TAB2: variants seen among roughly 807,000 people sequenced by gnomAD.
TAB2 encodes the protein TGF-beta activated kinase 1 (MAP3K7) binding protein 2.
TAB2 carries 3 observed loss-of-function variants against 65.0 expected under a neutral mutation model. The observed-to-expected ratio is 0.05, with a 90% CI of 0.02 to 0.12. The LOEUF is 0.12. Among genes scored for constraint, TAB2 ranks in the 10% least tolerant of loss-of-function variants. The pLI is 1.00. For missense variants in TAB2, 623 were observed against 840.3 expected (o/e 0.74, Z 3.20); for synonymous variants, 298 against 285.1 (o/e 1.05, Z -0.46).
At chr6:149,345,025 C>T (rs138619116) in intron 1 of TAB2, among the ~76,000 whole-genome samples, 66 of 152,222 alleles carry the variant, frequency 4.3e-4, no homozygotes, top group African/African-American at 1.5e-3. Context: ...TATTGGGAGA[C>T]TCTTATATTT....
At chr6:149,361,595 G>C (rs1006641320) in intron 1 of TAB2, among the ~76,000 whole-genome samples, 2 of 152,100 alleles carry the variant, frequency 1.3e-5, no homozygotes, top group Non-Finnish European at 2.9e-5. Context: ...TTGGCTGTTC[G>C]CACTTGGCTC....
chr6:149,290,978 T>A (rs569297516), intron 1 of TAB2, among the ~76,000 whole-genome samples: 38 of 152,352 alleles, frequency 2.5e-4, no homozygotes, highest in South Asian at 2.1e-3. Flanking sequence ...TAAACCCTAT[T>A]TTCATAGCTA....
intron 1 of TAB2, among the ~76,000 whole-genome samples, chr6:149,274,144 G>A (rs1412960062): frequency 6.6e-6 from 1 of 152,166 alleles, no homozygotes; most frequent in Admixed American, 6.5e-5. Context: ...TTGCCCCAGG[G>A]CCCAGAACCA....
rs71010866 is a variant in TAB2 at position 149,403,339 on chromosome 6, T to TACAC, written c.1939+4187_1939+4190dup. Among the ~76,000 whole-genome samples, 26 of 105,786 alleles carry TACAC rather than the reference T, an allele frequency of 2.5e-4. 1 individual carries two copies. Among genetic ancestry groups the TACAC allele is most frequent in the South Asian group, 1.5e-3 (5 of 3,364 alleles). The allele number at this position is 105,786 out of a possible 152,430, so 69.4% of individuals were successfully genotyped here. A position where few individuals can be genotyped will look rare whatever the true frequency, so the allele number is the denominator to read the frequency against. On this transcript the variant is annotated intron_variant, in intron 6 of 6. Coordinates refer to ENST00000637181, the MANE Select transcript of TAB2 (RefSeq NM_001292034.3). ...ACACACACATATATATACATATATA[T>TACAC]ACACACACACACACACACACACACA...
At chr6:149,382,346 C>T (rs1781639662) in intron 3 of TAB2, among the ~76,000 whole-genome samples, 1 of 152,158 alleles carries the variant, frequency 6.6e-6, no homozygotes, top group African/African-American at 2.4e-5. Context: ...GCCTGTAGTC[C>T]CAGCACTTTG....
chr6:149,343,034 T>C (rs1780178102), intron 1 of TAB2, among the ~76,000 whole-genome samples: 1 of 152,162 alleles, frequency 6.6e-6, no homozygotes. Flanking sequence ...ACTTGTTTGC[T>C]AGTAGTAGCA....
At chr6:149,292,652 T>C (rs924268131) in intron 1 of TAB2, among the ~76,000 whole-genome samples, 3 of 152,134 alleles carry the variant, frequency 2.0e-5, no homozygotes, top group Non-Finnish European at 2.9e-5. Flanking sequence ...AAATGACATA[T>C]AGAATGTCAT....
At chr6:149,295,349 GT>G (rs1240727204) in intron 1 of TAB2, among the ~76,000 whole-genome samples, 9 of 152,068 alleles carry the variant, frequency 5.9e-5, no homozygotes, top group African/African-American at 2.2e-4. Flanking sequence ...TTGGTTTTTC[GT>G]TTTGTTTTGT....
chr6:149,404,310 G>A (rs1340739639), intron 6 of TAB2, among the ~76,000 whole-genome samples: 1 of 152,014 alleles, frequency 6.6e-6, no homozygotes, highest in Non-Finnish European at 1.5e-5. Context: ...AAATAGAAAC[G>A]TAGCCTGTGT....
intron 1 of TAB2, among the ~76,000 whole-genome samples, chr6:149,342,177 A>G (rs1490680394): frequency 1.3e-5 from 2 of 152,124 alleles, no homozygotes; most frequent in Non-Finnish European, 2.9e-5. Context: ...TAAAAATTGG[A>G]ACTTAACATT....
At chr6:149,228,961 G>T (rs1777342512) in intron 1 of TAB2, among the ~76,000 whole-genome samples, 1 of 152,188 alleles carries the variant, frequency 6.6e-6, no homozygotes, top group Non-Finnish European at 1.5e-5. Context: ...TGGAGAGAGG[G>T]CACAGTGACC....
intron 3 of TAB2, among the ~76,000 whole-genome samples, chr6:149,392,597 A>G (rs1262462282): frequency 1.3e-5 from 2 of 152,114 alleles, no homozygotes; most frequent in African/African-American, 4.8e-5. Flanking sequence ...CATTTTGTCT[A>G]CAGCACCCTC....
At chr6:149,237,395 G>A (rs1777514199) in intron 1 of TAB2, among the ~76,000 whole-genome samples, 1 of 152,118 alleles carries the variant, frequency 6.6e-6, no homozygotes, top group Non-Finnish European at 1.5e-5. Context: ...ATGCAATGTG[G>A]TCCCTGATGC....
At chr6:149,279,501 C>A (rs1339528159) in intron 1 of TAB2, among the ~76,000 whole-genome samples, 2 of 152,110 alleles carry the variant, frequency 1.3e-5, no homozygotes, top group East Asian at 1.9e-4. Flanking sequence ...CAAGGGGACA[C>A]GTGGCAATGT....
Position 149,378,496 on chromosome 6 carries a change from C to T in TAB2, c.581C>T (p.Ser194Phe). The T allele has an allele frequency of 6.2e-7, 1 of 1,614,200 alleles. No homozygotes were observed. The highest frequency in any genetic ancestry group is 8.5e-7 in the Non-Finnish European group (1 of 1,180,046). ...NIQTGRNTPTSLHIHGVPPPV... is the reference protein window; with the variant it reads ...NIQTGRNTPTFLHIHGVPPPV... ...CAGACTGGTCGTAATACTCCTACAT[C>T]TTTGCACATACATGGTGTACCTCCA... is the stretch of plus-strand genomic sequence containing the variant. Residue 194 changes from serine (S) to phenylalanine (F), a missense_variant, in exon 3 of 7, where the codon TCT (serine) becomes TTT (phenylalanine). Around this residue, in one of 3 missense-constraint regions of TAB2, gnomAD observed 550 missense variants for 665.7 expected, o/e 0.83. Transcript: ENST00000637181.
chr6:149,365,351 A>G (rs1781004789), intron 1 of TAB2, among the ~76,000 whole-genome samples: 1 of 152,198 alleles, frequency 6.6e-6, no homozygotes. Flanking sequence ...CACAAAGGCT[A>G]CATTTTCAAA....
chr6:149,251,071 T>C (rs1777850879), intron 1 of TAB2, among the ~76,000 whole-genome samples: 2 of 152,222 alleles, frequency 1.3e-5, no homozygotes, highest in South Asian at 4.1e-4. Context: ...TCCCACTCAA[T>C]GCACAGCTCT....
intron 1 of TAB2, among the ~76,000 whole-genome samples, chr6:149,226,121 G>A (rs903013592): frequency 2.6e-5 from 4 of 152,048 alleles, no homozygotes; most frequent in Non-Finnish European, 4.4e-5. Context: ...TCATTAAACT[G>A]GGCTTAGATC....
chr6:149,305,223 A>C (rs1399634002), intron 1 of TAB2, among the ~76,000 whole-genome samples: 1 of 152,150 alleles, frequency 6.6e-6, no homozygotes, highest in Non-Finnish European at 1.5e-5. Context: ...TCATGGATAG[A>C]ATGTCTTTCT....
Sources: gnomAD v4.1 joint callset for allele counts (sites outside exome capture counted in the v4.1 genomes callset) on GRCh38, gnomAD v4.1.1 for gene constraint, gnomAD v4.1.1 regional missense constraint, MANE v1.5 for transcripts, NCBI Gene and HGNC (gene_info 2026-07-23, HGNC 2026-07-21) for gene names.